Variants in ARHGEF1 observed in about 807,000 individuals in gnomAD.
ARHGEF1 encodes 115 kDa guanine nucleotide exchange factor.
A neutral mutation model predicts 119.7 loss-of-function variants in ARHGEF1; 40 were observed. That is an observed-to-expected ratio of 0.33 (90% CI 0.26 to 0.44). The LOEUF is 0.44. Ranked by LOEUF, ARHGEF1 falls within the 20% of genes least tolerant of loss-of-function variation. The pLI is 1.00. For synonymous variants in ARHGEF1, 494 were observed against 521.0 expected (o/e 0.95, Z 0.71); for missense variants, 976 against 1,268.3 (o/e 0.77, Z 3.50).
rs782743548 is a variant in ARHGEF1 at position 41,902,442 on chromosome 19, C to T, written c.1497+86C>T. On this transcript the variant is annotated intron_variant, in intron 16 of 28. Transcript: ENST00000354532. This position sits in a 1 kb window ranked among gnomAD's most constrained non-coding sequence, Gnocchi z 6.5. The stretch of plus-strand genomic sequence containing the variant: ...GGTCCTGAGCCCACCCTACTCCAGT[C>T]CCAGGGTCTGGGCTTCCAGCCTGTC... 7.4e-6 allele frequency: 12 copies of T among 1,611,146 alleles called. No individual in the cohort carries two copies. Among genetic ancestry groups the T allele is most frequent in the African/African-American group, 1.3e-5 (1 of 75,008 alleles).
At chr19:41,884,413 AG>A in intron 1 of ARHGEF1, 1 of 1,597,528 alleles carries the variant, frequency 6.3e-7, no homozygotes, top group East Asian at 2.2e-5. Context: ...ACGCGGCGGC[AG>A]GGGTGGGGAG....
In ARHGEF1 at chr19:41,893,269, T is replaced by C. The variant is rs1555846696; in HGVS notation, c.615-5T>C. ...ATGTCACAAACATCTCTCTTCCTCC[T>C]ACAGACATACCATCTCTACCGACGA... On this transcript the variant is annotated splice_polypyrimidine_tract_variant and splice_region_variant and intron_variant, in intron 7 of 28. Transcript: ENST00000354532. 6.2e-7 allele frequency: 1 copy of C among 1,611,208 alleles called. No individual in the cohort carries two copies. Among genetic ancestry groups the C allele is most frequent in the African/African-American group, 1.3e-5 (1 of 74,284 alleles).
At chr19:41,887,978 T>A (rs2074320268) in intron 1 of ARHGEF1, 86 bp from the exon 2 acceptor site, 2 of 1,455,194 alleles carry the variant, frequency 1.4e-6, no homozygotes, top group Non-Finnish European at 1.9e-6. Context: ...TTTACTCACC[T>A]TCACACCTGG....
rs1555846503 is a variant in ARHGEF1, at chr19:41,892,667, A to C, written c.432A>C (p.Gln144His). 6.2e-7 allele frequency: 1 copy of C among 1,613,612 alleles called. No individual in the cohort carries two copies. The highest frequency in any genetic ancestry group is 8.5e-7 in the Non-Finnish European group (1 of 1,179,816). Residue 144 changes from glutamine to histidine, a missense_variant, in exon 7 of 29, where the codon CAA (glutamine) becomes CAC (histidine). Coordinates refer to ENST00000354532, the MANE Select transcript of ARHGEF1 (RefSeq NM_004706.4). The surrounding 1 kb of genome is among the most constrained non-coding windows in gnomAD (Gnocchi z 6.3). ...GGCGGTTCGTGCAGGAGGTGGTGCA[A>C]AGCCAGCAGGTAGCCGTGGGCCGGC... ...VQRRFVQEVVQSQQVAVGRQL... is the reference protein window; with the variant it reads ...VQRRFVQEVVHSQQVAVGRQL...
rs1237072936 is a variant in ARHGEF1, at chr19:41,904,906, G to C, written c.2162-43G>C. 1.9e-6 allele frequency: 3 copies of C among 1,555,108 alleles called. No homozygotes were observed. Among genetic ancestry groups the C allele is most frequent in the Admixed American group, 1.7e-5 (1 of 59,928 alleles). On this transcript the variant is annotated intron_variant, in intron 22 of 28. Coordinates refer to ENST00000354532, the MANE Select transcript of ARHGEF1 (RefSeq NM_004706.4). This position sits in a 1 kb window ranked among gnomAD's most constrained non-coding sequence, Gnocchi z 8.4. ...TGTGCTTAGGGAGGGGCAGGCACTGGGGGGACCTGGGCTCTGAGCCCCATC... is the reference window on the plus strand; with the variant it reads ...TGTGCTTAGGGAGGGGCAGGCACTGCGGGGACCTGGGCTCTGAGCCCCATC...
At position 41,902,994 on chromosome 19, in the gene ARHGEF1, C is replaced by G; in HGVS notation, c.1738+96C>G. Reference sequence around the variant, plus strand: ...TCATCAGTGATACCATCACAGCTCACTGCAGCCTCAACCTCCCAGGATCTA... The same window carrying G: ...TCATCAGTGATACCATCACAGCTCAGTGCAGCCTCAACCTCCCAGGATCTA... On this transcript the variant is annotated intron_variant, in intron 18 of 28. Coordinates refer to ENST00000354532, the MANE Select transcript of ARHGEF1 (RefSeq NM_004706.4). This position sits in a 1 kb window ranked among gnomAD's most constrained non-coding sequence, Gnocchi z 6.5. 1 of 1,058,272 alleles carries G rather than the reference C, an allele frequency of 9.4e-7. No individual in the cohort carries two copies. Among genetic ancestry groups the G allele is most frequent in the Non-Finnish European group, 1.3e-6 (1 of 748,062 alleles). 65.6% of individuals were successfully genotyped at this position (1,058,272 alleles called of 1,614,324 possible).
rs1337064348 is a variant in ARHGEF1 at position 41,916,015 on chromosome 19, AC to A, written c.1866-7070del. Among the ~76,000 whole-genome samples the A allele has an allele frequency of 1.5e-5, 2 of 136,410 alleles. No individual in the cohort carries two copies. The highest frequency in any genetic ancestry group is 5.6e-5 in the African/African-American group (2 of 35,884). The allele number at this position is 136,410 out of a possible 152,430, so 89.5% of individuals were successfully genotyped here. A position where few individuals can be genotyped will look rare whatever the true frequency, so the allele number is the denominator to read the frequency against. ...TTTTTAATTTTATTTTGCTTCCTCCACCCCCCCTTCGCCCCCCATCTCTACC... is the reference window on the plus strand; with the variant it reads ...TTTTTAATTTTATTTTGCTTCCTCCACCCCCCTTCGCCCCCCATCTCTACC... On this transcript the variant is annotated intron_variant, in intron 18 of 20. Transcript: ENST00000599589. The surrounding 1 kb of genome is among the most constrained non-coding windows in gnomAD (Gnocchi z 5.4).
chr19:41,896,644 C>A, intron 13 of ARHGEF1, 162 bp downstream of exon 13: 1 of 711,066 alleles, frequency 1.4e-6, no homozygotes. Context: ...TTCTTCTTTC[C>A]TTTTCTCATC....
chr19:41,913,956 G>A (rs1183521078), intron 18 of ARHGEF1, among the ~76,000 whole-genome samples: 1 of 146,866 alleles, frequency 6.8e-6, no homozygotes, highest in African/African-American at 2.5e-5. Flanking sequence ...AGACCCCCCA[G>A]ACGCTCTCAA....
Position 41,902,342 on chromosome 19 carries a change from G to A in ARHGEF1, c.1483G>A (p.Val495Met), listed in dbSNP as rs781813623. ...SGYLIEEIGDVLLARFDGAEG... is the reference protein window; with the variant it reads ...SGYLIEEIGDMLLARFDGAEG... ...CTACCTCATCGAGGAGATCGGAGAC[G>A]TGCTGCTGGCCCGGGTGAGATGCCC... The change falls in exon 16 of 29, where the codon GTG becomes ATG. Residue 495 changes from valine to methionine, a missense_variant. Val to Met is a conservative substitution (Grantham distance 21). Coordinates refer to ENST00000354532, the MANE Select transcript of ARHGEF1 (RefSeq NM_004706.4). This position sits in a 1 kb window ranked among gnomAD's most constrained non-coding sequence, Gnocchi z 6.5. 2.5e-6 allele frequency: 4 copies of A among 1,614,112 alleles called. No homozygotes were observed. Among genetic ancestry groups the A allele is most frequent in the East Asian group, 2.2e-5 (1 of 44,874 alleles).
chr19:41,911,201 C>T (rs1213013140), downstream of ARHGEF1, among the ~76,000 whole-genome samples: 2 of 152,144 alleles, frequency 1.3e-5, no homozygotes, highest in Admixed American at 6.5e-5. Context: ...CTCCACTGTC[C>T]ACATACCCCC....
Position 41,907,189 on chromosome 19 carries a change from G to C in ARHGEF1, c.*102G>C. 1 of 1,522,446 alleles carries C rather than the reference G, an allele frequency of 6.6e-7. No homozygotes were observed. The allele number at this position is 1,522,446 out of a possible 1,614,324, so 94.3% of individuals were successfully genotyped here. Reference sequence around the variant, plus strand: ...CAGCTGCCGCAGCATCTCACACCCCGAGGGCCTGAGGAGAGGGAGCTGTGG... The same window carrying C: ...CAGCTGCCGCAGCATCTCACACCCCCAGGGCCTGAGGAGAGGGAGCTGTGG... On this transcript the variant is annotated 3_prime_UTR_variant, in exon 29 of 29. Transcript: ENST00000354532.
In ARHGEF1 at chr19:41,902,254, C is replaced by G. The variant is rs559894469; in HGVS notation, c.1415-20C>G. 3.7e-6 allele frequency: 6 copies of G among 1,613,798 alleles called. No individual in the cohort carries two copies. Among genetic ancestry groups the G allele is most frequent in the African/African-American group, 1.3e-5 (1 of 75,052 alleles). On this transcript the variant is annotated intron_variant, in intron 15 of 28. Coordinates refer to ENST00000354532, the MANE Select transcript of ARHGEF1 (RefSeq NM_004706.4). The surrounding 1 kb of genome is among the most constrained non-coding windows in gnomAD (Gnocchi z 6.5). ...TCTTCCAGACCCTGGTGGAGCATCCCTTTCCTCCTGCCCCCACAGCCCTGT... is the reference window on the plus strand; with the variant it reads ...TCTTCCAGACCCTGGTGGAGCATCCGTTTCCTCCTGCCCCCACAGCCCTGT...
At chr19:41,926,705 GC>G (rs1254156318) in intron 1 of ARHGEF1, among the ~76,000 whole-genome samples, 1 of 150,670 alleles carries the variant, frequency 6.6e-6, no homozygotes, top group African/African-American at 2.4e-5. Flanking sequence ...GGCCGCGGCG[GC>G]CGGCCGGGAG....
chr19:41,899,472 G>A (rs1688170831), intron 14 of ARHGEF1, among the ~76,000 whole-genome samples: 1 of 150,920 alleles, frequency 6.6e-6, no homozygotes, highest in Admixed American at 6.6e-5. Flanking sequence ...TAATTGTGTG[G>A]TGGCTAGGGA....
chr19:41,922,551 A>G (rs183291082), upstream of ARHGEF1, among the ~76,000 whole-genome samples: 6 of 152,128 alleles, frequency 3.9e-5, no homozygotes, highest in African/African-American at 1.4e-4. Flanking sequence ...GGGGTCAAAG[A>G]CCCAGGAGGG....
chr19:41,913,379 G>C (rs559165446), intron 18 of ARHGEF1, among the ~76,000 whole-genome samples: 1 of 151,388 alleles, frequency 6.6e-6, no homozygotes, highest in Non-Finnish European at 1.5e-5. Flanking sequence ...GTCTCCCTCT[G>C]TCTCTCTCTC....
rs1358027936 is a variant in ARHGEF1 at position 41,884,283 on chromosome 19, C to G, written c.-20+994C>G. 1.6e-5 allele frequency: 13 copies of G among 823,278 alleles called. No individual in the cohort carries two copies. In the Admixed American group the frequency reaches 2.8e-4, roughly 18 times the overall value. 51.0% of individuals were successfully genotyped at this position (823,278 alleles called of 1,614,324 possible). On this transcript the variant is annotated intron_variant, in intron 1 of 28. Coordinates refer to ENST00000354532, the MANE Select transcript of ARHGEF1 (RefSeq NM_004706.4). ...CTGGCCTGCGTGGCGCAGTACAGCG[C>G]TAGAGCGGCCGGCGGGAGGAGTAGA...
rs903297107 is a variant in ARHGEF1, at chr19:41,892,943, C to T, written c.614+94C>T. ...ATGTTCCATCCCGTTTGCAGGTTCCCTCTTCAGGGTCAGAGTTCATTTCTT... is the reference window on the plus strand; with the variant it reads ...ATGTTCCATCCCGTTTGCAGGTTCCTTCTTCAGGGTCAGAGTTCATTTCTT... On this transcript the variant is annotated intron_variant, in intron 7 of 28. Transcript: ENST00000354532. This position sits in a 1 kb window ranked among gnomAD's most constrained non-coding sequence, Gnocchi z 6.3. 9 of 1,420,190 alleles carry T rather than the reference C, an allele frequency of 6.3e-6. No homozygotes were observed. Among genetic ancestry groups the T allele is most frequent in the African/African-American group, 4.3e-5 (3 of 69,422 alleles). The allele number at this position is 1,420,190 out of a possible 1,614,324, so 88.0% of individuals were successfully genotyped here. A position where few individuals can be genotyped will look rare whatever the true frequency, so the allele number is the denominator to read the frequency against.
Sources: allele counts gnomAD v4.1 joint callset (sites outside exome capture counted in the v4.1 genomes callset), GRCh38; gene constraint gnomAD v4.1.1; non-coding constraint Gnocchi (gnomAD v3.1); transcripts MANE v1.5; gene names NCBI Gene and HGNC (gene_info 2026-07-23, HGNC 2026-07-21).